CNTNAP2: variants seen among roughly 807,000 people sequenced by gnomAD.
CNTNAP2 encodes the protein contactin associated protein 2.
A neutral mutation model predicts 155.2 loss-of-function variants in CNTNAP2; 98 were observed. That is an observed-to-expected ratio of 0.63 (90% CI 0.54 to 0.75). CNTNAP2 has a LOEUF of 0.75. Ranked by LOEUF, CNTNAP2 falls within the 30% of genes least tolerant of loss-of-function variation. CNTNAP2 has a pLI of 0.00. For missense variants in CNTNAP2, 1,727 were observed against 1,688.1 expected (o/e 1.02, Z -0.40); for synonymous variants, 651 against 631.2 (o/e 1.03, Z -0.47).
At chr7:148,277,787 GAAAAAAGA>G (rs1289713495) in intron 21 of CNTNAP2, among the ~76,000 whole-genome samples, 4 of 119,264 alleles carry the variant, frequency 3.4e-5, no homozygotes, top group Admixed American at 7.9e-5. Context: ...CATTAAGAAA[GAAAAAAGA>G]AAAAAAGAAA....
intron 1 of CNTNAP2, among the ~76,000 whole-genome samples, chr7:146,139,719 A>G (rs1584768541): frequency 1.3e-5 from 2 of 152,192 alleles, no homozygotes; most frequent in Admixed American, 1.3e-4. Context: ...ATGTCTTTGT[A>G]TAAGACAGAC....
chr7:147,550,513 A>G (rs1799831211), intron 11 of CNTNAP2, among the ~76,000 whole-genome samples: 1 of 152,142 alleles, frequency 6.6e-6, no homozygotes, highest in African/African-American at 2.4e-5. Flanking sequence ...CCATTAAACT[A>G]TTTCCTTTAT....
chr7:147,009,911 T>C (rs1169432876), intron 3 of CNTNAP2, among the ~76,000 whole-genome samples: 2 of 152,086 alleles, frequency 1.3e-5, no homozygotes, highest in Admixed American at 6.6e-5. Context: ...CTGATGTAAA[T>C]TTCTATGTAG....
At chr7:146,413,933 T>C (rs1319706406) in intron 1 of CNTNAP2, among the ~76,000 whole-genome samples, 1 of 152,190 alleles carries the variant, frequency 6.6e-6, no homozygotes. Flanking sequence ...ATTAGAGTAT[T>C]AACGACCTTA....
intron 21 of CNTNAP2, among the ~76,000 whole-genome samples, chr7:148,340,541 C>T (rs1798209590): frequency 6.6e-6 from 1 of 152,208 alleles, no homozygotes; most frequent in South Asian, 2.1e-4. Flanking sequence ...TGCTCCTCTC[C>T]CCGTAGGGAC....
intron 1 of CNTNAP2, among the ~76,000 whole-genome samples, chr7:146,521,638 A>ATGGG: frequency 6.6e-6 from 1 of 151,994 alleles, no homozygotes; most frequent in African/African-American, 2.4e-5. Context: ...TCTATAGAGA[A>ATGGG]CACCCCAACT....
At chr7:147,330,317 A>G (rs1315846198) in intron 9 of CNTNAP2, among the ~76,000 whole-genome samples, 2 of 152,148 alleles carry the variant, frequency 1.3e-5, no homozygotes, top group African/African-American at 4.8e-5. Context: ...GGTGCCTCCC[A>G]TCATGCCTTT....
chr7:147,274,408 T>C (rs1804844472), intron 8 of CNTNAP2, among the ~76,000 whole-genome samples: 1 of 152,190 alleles, frequency 6.6e-6, no homozygotes, highest in African/African-American at 2.4e-5. Context: ...AATTTGCATT[T>C]CTCTGATGAA....
chr7:147,722,645 A>G (rs569528011), intron 13 of CNTNAP2, among the ~76,000 whole-genome samples: 16 of 152,042 alleles, frequency 1.1e-4, no homozygotes, highest in East Asian at 7.8e-4. Flanking sequence ...ACCTATTCCA[A>G]CTCTGCCTTT....
chr7:146,668,023 G>A (rs1800228755), intron 1 of CNTNAP2, among the ~76,000 whole-genome samples: 1 of 152,056 alleles, frequency 6.6e-6, no homozygotes, highest in Non-Finnish European at 1.5e-5. Context: ...TGCAAGTGGT[G>A]AGTGTTAGCA....
chr7:147,262,462 AGAG>A (rs1804496481), intron 8 of CNTNAP2, among the ~76,000 whole-genome samples: 1 of 152,072 alleles, frequency 6.6e-6, no homozygotes, highest in African/African-American at 2.4e-5. Flanking sequence ...GGCATCCTTA[AGAG>A]GAGATTAGGA....
chr7:146,863,267 T>C lies in CNTNAP2; in HGVS notation c.402+23363T>C, dbSNP rs1403575137. Among the ~76,000 whole-genome samples the C allele has an allele frequency of 4.6e-5, 7 of 152,144 alleles. No homozygotes were observed. In the East Asian group the frequency reaches 7.7e-4, roughly 17 times the overall value. ...TGTTTTCTCAAAGAAGTAAATAGCATAAGAAAATAGTTTTAAAAAGGAGCT... is the reference window on the plus strand; with the variant it reads ...TGTTTTCTCAAAGAAGTAAATAGCACAAGAAAATAGTTTTAAAAAGGAGCT... On this transcript the variant is annotated intron_variant, in intron 3 of 23. Transcript: ENST00000361727.
chr7:147,420,311 T>C (rs1797268720), intron 10 of CNTNAP2, among the ~76,000 whole-genome samples: 1 of 152,162 alleles, frequency 6.6e-6, no homozygotes, highest in Non-Finnish European at 1.5e-5. Context: ...AAAGTATTAT[T>C]TGGTGTTCTG....
intron 3 of CNTNAP2, among the ~76,000 whole-genome samples, chr7:146,983,044 G>T (rs1394689240): frequency 6.6e-6 from 1 of 152,162 alleles, no homozygotes; most frequent in Non-Finnish European, 1.5e-5. Context: ...TTAACATAAT[G>T]TACACTGATA....
chr7:146,204,593 C>G (rs1318170347), intron 1 of CNTNAP2, among the ~76,000 whole-genome samples: 2 of 152,056 alleles, frequency 1.3e-5, no homozygotes, highest in Non-Finnish European at 2.9e-5. Context: ...TATGGAGTCT[C>G]TCTCATGCCA....
At position 146,913,241 on chromosome 7, in the gene CNTNAP2, G is replaced by T. The variant is rs139462647; in HGVS notation, c.402+73337G>T. On this transcript the variant is annotated intron_variant, in intron 3 of 23. Coordinates refer to ENST00000361727, the MANE Select transcript of CNTNAP2 (RefSeq NM_014141.6). ...CTAGTAGTTGGCCAGGTTAGCTGACGTGCATGGTATCTGTAAGAGAGCTGC... is the reference window on the plus strand; with the variant it reads ...CTAGTAGTTGGCCAGGTTAGCTGACTTGCATGGTATCTGTAAGAGAGCTGC... Among the ~76,000 whole-genome samples, 1,052 of 152,200 alleles carry T rather than the reference G, an allele frequency of 6.9e-3. 9 individuals carry two copies. The highest frequency in any genetic ancestry group is 0.024 in the African/African-American group (985 of 41,546).
At chr7:147,781,884 G>A (rs571154126) in intron 13 of CNTNAP2, among the ~76,000 whole-genome samples, 9 of 152,232 alleles carry the variant, frequency 5.9e-5, no homozygotes, top group Admixed American at 5.9e-4. Context: ...TTAGCTGGGC[G>A]TGGCGGCGGG....
At chr7:146,731,949 A>T (rs990797205) in intron 1 of CNTNAP2, among the ~76,000 whole-genome samples, 1 of 152,108 alleles carries the variant, frequency 6.6e-6, no homozygotes. Flanking sequence ...ATATATATAT[A>T]AAAGCATCCA....
chr7:147,574,948 A>G (rs1800359142), intron 12 of CNTNAP2, among the ~76,000 whole-genome samples: 1 of 152,070 alleles, frequency 6.6e-6, no homozygotes, highest in Non-Finnish European at 1.5e-5. Flanking sequence ...TGAATCTTTT[A>G]TGGATTCATG....
Sources: gnomAD v4.1 joint callset for allele counts (sites outside exome capture counted in the v4.1 genomes callset) on GRCh38, gnomAD v4.1.1 for gene constraint, MANE v1.5 for transcripts, NCBI Gene and HGNC (gene_info 2026-07-23, HGNC 2026-07-21) for gene names.